SBF2: variants seen among roughly 807,000 people sequenced by gnomAD.
SBF2 encodes the protein SET binding factor 2.
SBF2 carries 112 observed loss-of-function variants against 225.2 expected under a neutral mutation model. The ratio of observed to expected loss-of-function variants is 0.50; its 90% CI spans 0.43 to 0.58. The LOEUF is 0.58. SBF2 is among the 20% of genes least tolerant of loss of function. SBF2 has a pLI of 0.00. For missense variants in SBF2, 1,996 were observed against 2,206.2 expected, an observed-to-expected ratio of 0.90 and a Z score of 1.91; for synonymous variants, 763 against 773.3, an observed-to-expected ratio of 0.99 and a Z score of 0.22.
At chr11:10,066,707 A>C (rs987713421) in intron 2 of SBF2, among the ~76,000 whole-genome samples, 1 of 152,204 alleles carries the variant, frequency 6.6e-6, no homozygotes, top group Non-Finnish European at 1.5e-5. Context: ...CTAAGATCAG[A>C]AACAAGATAG....
intron 3 of SBF2, among the ~76,000 whole-genome samples, chr11:10,042,431 T>C (rs1949688345): frequency 6.6e-6 from 1 of 152,182 alleles, no homozygotes; most frequent in African/African-American, 2.4e-5. Flanking sequence ...CTAAGAAGAA[T>C]GAGTTAACAT....
chr11:10,246,786 T>G (rs562051319), intron 1 of SBF2, among the ~76,000 whole-genome samples: 9 of 152,214 alleles, frequency 5.9e-5, no homozygotes, highest in East Asian at 1.9e-4. Flanking sequence ...AAGAAAGAAA[T>G]AACACTGGCC....
chr11:9,972,455 T>C (rs897255213), intron 13 of SBF2, among the ~76,000 whole-genome samples: 1 of 152,180 alleles, frequency 6.6e-6, no homozygotes, highest in Non-Finnish European at 1.5e-5. Flanking sequence ...TTAGTAATTA[T>C]AGTAGTAGTA....
chr11:10,290,366 G>A (rs965274844), intron 1 of SBF2, among the ~76,000 whole-genome samples: 13 of 152,128 alleles, frequency 8.5e-5, no homozygotes, highest in Admixed American at 7.2e-4. Context: ...AACAGAGTGA[G>A]AAGGATATCT....
chr11:10,213,255 G>C (rs1393748370), intron 1 of SBF2, among the ~76,000 whole-genome samples: 1 of 152,076 alleles, frequency 6.6e-6, no homozygotes, highest in Non-Finnish European at 1.5e-5. Context: ...GATGTTTTTA[G>C]AGAGTAAGGA....
At chr11:9,820,138 A>G (rs920861172) in intron 28 of SBF2, among the ~76,000 whole-genome samples, 1 of 152,242 alleles carries the variant, frequency 6.6e-6, no homozygotes, top group African/African-American at 2.4e-5. Context: ...AAGCAAACAA[A>G]TTGCTCAAGT....
At chr11:10,094,547 G>T (rs868852980) in intron 2 of SBF2, among the ~76,000 whole-genome samples, 10,695 of 49,024 alleles carry the variant, frequency 0.22, 675 homozygotes, top group Non-Finnish European at 0.26. Context: ...TTTTTTTTTT[G>T]AGACAGAGTT....
chr11:10,042,866 T>A lies in SBF2; in HGVS notation c.257A>T (p.Tyr86Phe), dbSNP rs745669920. ...TACCTGAAGATTGATCTCTGCCTCA[T>A]AGAAGGTTAGGCATGAGCAGTAATG... The part of the protein sequence containing the change: ...DRHYCSCLTF[Y>F]EAEINLQGTK... Residue 86 changes from tyrosine to phenylalanine, a missense_variant, in exon 3 of 40, where the codon TAT (tyrosine) becomes TTT (phenylalanine). Transcript: ENST00000256190. 1.1e-5 allele frequency: 17 copies of A among 1,613,976 alleles called. No homozygotes were observed. The highest frequency in any genetic ancestry group is 1.4e-5 in the Non-Finnish European group (17 of 1,179,880).
chr11:9,895,242 T>C (rs1861150018), intron 17 of SBF2, among the ~76,000 whole-genome samples: 1 of 152,230 alleles, frequency 6.6e-6, no homozygotes, highest in Admixed American at 6.5e-5. Flanking sequence ...TGAAGCTGAC[T>C]GTGCATGTAG....
intron 2 of SBF2, among the ~76,000 whole-genome samples, chr11:10,128,153 C>T (rs984117855): frequency 1.3e-5 from 2 of 152,130 alleles, no homozygotes; most frequent in African/African-American, 2.4e-5. Flanking sequence ...GACTCTACAG[C>T]GCACTGGTGA....
intron 2 of SBF2, among the ~76,000 whole-genome samples, chr11:10,154,979 C>T (rs1278564552): frequency 6.6e-6 from 1 of 152,118 alleles, no homozygotes; most frequent in East Asian, 1.9e-4. Context: ...TTTCTGACTC[C>T]ATTAAAGTCA....
At chr11:10,200,434 A>T (rs949583140) in intron 1 of SBF2, among the ~76,000 whole-genome samples, 3 of 152,196 alleles carry the variant, frequency 2.0e-5, no homozygotes, top group African/African-American at 7.2e-5. Context: ...GTTCTAGACA[A>T]TTATGTTATT....
intron 2 of SBF2, among the ~76,000 whole-genome samples, chr11:10,166,334 T>C (rs1472926046): frequency 1.3e-5 from 2 of 152,204 alleles, no homozygotes; most frequent in Admixed American, 6.5e-5. Flanking sequence ...AAGTATTAAA[T>C]GAAGGTCATA....
At chr11:10,257,659 T>TCC in intron 1 of SBF2, among the ~76,000 whole-genome samples, 2 of 117,200 alleles carry the variant, frequency 1.7e-5, no homozygotes, top group Admixed American at 9.8e-5. Context: ...AGTGAGGCCT[T>TCC]GCCTCAAAAA....
At chr11:10,228,217 T>C (rs1958665674) in intron 1 of SBF2, among the ~76,000 whole-genome samples, 1 of 152,220 alleles carries the variant, frequency 6.6e-6, no homozygotes, top group Admixed American at 6.5e-5. Context: ...TAGGGAGATT[T>C]TGGGCTGAGA....
chr11:9,961,794 C>A, intron 16 of SBF2, 163 bp downstream of exon 16: 13 of 569,914 alleles, frequency 2.3e-5, no homozygotes, highest in South Asian at 1.2e-4. Flanking sequence ...ATATTTATGC[C>A]AAGTAATAAA....
intron 2 of SBF2, among the ~76,000 whole-genome samples, chr11:10,170,628 TG>T (rs1244872399): frequency 1.3e-5 from 2 of 152,102 alleles, no homozygotes; most frequent in Non-Finnish European, 2.9e-5. Context: ...TTGGCTATTC[TG>T]GGTCTTTTTT....
chr11:10,036,755 A>C (rs1949453674), intron 3 of SBF2, among the ~76,000 whole-genome samples: 1 of 152,210 alleles, frequency 6.6e-6, no homozygotes, highest in South Asian at 2.1e-4. Flanking sequence ...TTTATAAGAA[A>C]TAACATATTA....
intron 3 of SBF2, among the ~76,000 whole-genome samples, chr11:10,040,574 G>T (rs936185231): frequency 6.6e-6 from 1 of 151,538 alleles, no homozygotes; most frequent in East Asian, 1.9e-4. Flanking sequence ...AAAAAGGGAT[G>T]GGGGGGTGCT....
Sources: allele counts gnomAD v4.1 joint callset (sites outside exome capture counted in the v4.1 genomes callset), GRCh38; gene constraint gnomAD v4.1.1; transcripts MANE v1.5; gene names NCBI Gene and HGNC (gene_info 2026-07-23, HGNC 2026-07-21).